The following GPC6 variants were observed in gnomAD, a reference collection of about 807,000 sequenced individuals.
The protein encoded by GPC6 is glypican-6.
In GPC6, 14 loss-of-function variants were observed where a neutral mutation model predicts 55.2. The ratio of observed to expected loss-of-function variants is 0.25; its 90% CI spans 0.17 to 0.40. The LOEUF is 0.40. Ranked by LOEUF, GPC6 falls within the 10% of genes least tolerant of loss-of-function variation. GPC6 has a pLI of 1.00. For synonymous variants in GPC6, 278 were observed against 259.6 expected (o/e 1.07, Z -0.68); for missense variants, 641 against 708.5 (o/e 0.90, Z 1.08).
intron 4 of GPC6, among the ~76,000 whole-genome samples, chr13:94,077,189 G>A (rs1884946409): frequency 6.6e-6 from 1 of 151,346 alleles, no homozygotes; most frequent in Non-Finnish European, 1.5e-5. Flanking sequence ...AGTGTACAAG[G>A]TTTTCACCTC....
chr13:93,422,589 A>G (rs1034265973), intron 1 of GPC6, among the ~76,000 whole-genome samples: 1 of 152,176 alleles, frequency 6.6e-6, no homozygotes, highest in African/African-American at 2.4e-5. Context: ...TTCTTTGCGT[A>G]TATTATTTGA....
At chr13:93,833,729 C>T (rs1887620933) in intron 3 of GPC6, among the ~76,000 whole-genome samples, 1 of 152,102 alleles carries the variant, frequency 6.6e-6, no homozygotes, top group African/African-American at 2.4e-5. Flanking sequence ...ATGTTCAGAA[C>T]ATTATTGGGA....
chr13:93,509,189 A>G (rs16948883), intron 1 of GPC6, among the ~76,000 whole-genome samples: 2,041 of 152,286 alleles, frequency 0.013, 42 homozygotes, highest in African/African-American at 0.041. Flanking sequence ...ACATCATGCT[A>G]CCAAGTTCAT....
intron 3 of GPC6, among the ~76,000 whole-genome samples, chr13:94,025,252 G>A (rs1410927709): frequency 6.6e-6 from 1 of 152,140 alleles, no homozygotes; most frequent in East Asian, 1.9e-4. Context: ...GAGAGAAATT[G>A]CAAGGCTGTA....
intron 2 of GPC6, among the ~76,000 whole-genome samples, chr13:93,828,401 C>A (rs975394468): frequency 6.6e-6 from 1 of 151,966 alleles, no homozygotes; most frequent in Non-Finnish European, 1.5e-5. Context: ...CATTTTAGGA[C>A]AAACTAGATA....
chr13:93,676,600 C>T (rs749540575), intron 2 of GPC6, among the ~76,000 whole-genome samples: 1 of 151,930 alleles, frequency 6.6e-6, no homozygotes, highest in Non-Finnish European at 1.5e-5. Context: ...CAGCCACAGC[C>T]AGTAGATGAT....
intron 1 of GPC6, among the ~76,000 whole-genome samples, chr13:93,433,888 C>T (rs1262412478): frequency 6.6e-6 from 1 of 152,158 alleles, no homozygotes; most frequent in Non-Finnish European, 1.5e-5. Context: ...TGCTGAGAAA[C>T]ATGCCACTCC....
At chr13:93,301,030 A>G (rs1307751278) in intron 1 of GPC6, among the ~76,000 whole-genome samples, 1 of 152,152 alleles carries the variant, frequency 6.6e-6, no homozygotes, top group Non-Finnish European at 1.5e-5. Flanking sequence ...AAAAAAAAAA[A>G]AGAAAACCTT....
chr13:93,385,655 A>T lies in GPC6; in HGVS notation c.160+158039A>T, dbSNP rs554631978. On this transcript the variant is annotated intron_variant, in intron 1 of 8. Coordinates refer to ENST00000377047, the MANE Select transcript of GPC6 (RefSeq NM_005708.5). ...TTGGAGAACACGCCTTTCAGTTTATATTCCCTACTGTGCTTCCTCCCTTTC... is the reference window on the plus strand; with the variant it reads ...TTGGAGAACACGCCTTTCAGTTTATTTTCCCTACTGTGCTTCCTCCCTTTC... Among the ~76,000 whole-genome samples, 7 of 152,294 alleles carry T rather than the reference A, an allele frequency of 4.6e-5. No homozygotes were observed. In the East Asian group the frequency reaches 1.4e-3, roughly 29 times the overall value.
chr13:93,265,294 AT>A (rs1485908238), intron 1 of GPC6, among the ~76,000 whole-genome samples: 1 of 152,224 alleles, frequency 6.6e-6, no homozygotes, highest in Non-Finnish European at 1.5e-5. Flanking sequence ...TATTTAATAT[AT>A]ATCAACATAT....
chr13:93,859,222 A>G (rs1888728282), intron 3 of GPC6, among the ~76,000 whole-genome samples: 1 of 151,608 alleles, frequency 6.6e-6, no homozygotes, highest in African/African-American at 2.4e-5. Flanking sequence ...AAATGCACAA[A>G]CATGTACTTA....
chr13:93,603,986 A>G (rs1371652878), intron 2 of GPC6, among the ~76,000 whole-genome samples: 1 of 152,236 alleles, frequency 6.6e-6, no homozygotes, highest in Admixed American at 6.5e-5. Context: ...AATACAGACA[A>G]AATTCTTGAT....
intron 3 of GPC6, among the ~76,000 whole-genome samples, chr13:93,874,861 T>C (rs1889241548): frequency 6.6e-6 from 1 of 151,918 alleles, no homozygotes; most frequent in African/African-American, 2.4e-5. Context: ...TACCATTTTA[T>C]TTTCTCCTTA....
chr13:93,276,479 AGAGAGAGAGAGAGAGAGT>A (rs1199041421), intron 1 of GPC6, among the ~76,000 whole-genome samples: 3 of 135,136 alleles, frequency 2.2e-5, no homozygotes, highest in African/African-American at 9.3e-5. Context: ...AGAGAGAGAG[AGAGAGAGAGAGAGAGAGT>A]GTGTGTGTGT....
chr13:93,586,236 G>A (rs1309993906), intron 2 of GPC6, among the ~76,000 whole-genome samples: 1 of 152,088 alleles, frequency 6.6e-6, no homozygotes, highest in Non-Finnish European at 1.5e-5. Context: ...CCCTGTGTTA[G>A]TTTGCTAAAG....
intron 2 of GPC6, among the ~76,000 whole-genome samples, chr13:93,816,609 G>C (rs1886859637): frequency 6.8e-6 from 1 of 148,062 alleles, no homozygotes; most frequent in South Asian, 2.1e-4. Flanking sequence ...GGTCTTTTAA[G>C]TTAAAATAAT....
chr13:93,490,514 G>GTTTTTTTTTTTTTTTTTTTT (rs796098096), intron 1 of GPC6, among the ~76,000 whole-genome samples: 1 of 35,320 alleles, frequency 2.8e-5, no homozygotes, highest in Non-Finnish European at 4.9e-5. Context: ...TTTTTTTTGA[G>GTTTTTTTTTTTTTTTTTTTT]TTTTTTTTTT....
At chr13:93,917,301 G>C (rs904795356) in intron 3 of GPC6, among the ~76,000 whole-genome samples, 1 of 151,816 alleles carries the variant, frequency 6.6e-6, no homozygotes, top group Non-Finnish European at 1.5e-5. Context: ...GTCAGAAATT[G>C]AAAAGAAAAA....
Position 93,910,971 on chromosome 13 carries a change from G to A in GPC6, c.711+80426G>A, listed in dbSNP as rs1029707387. Among the ~76,000 whole-genome samples the A allele has an allele frequency of 3.3e-5, 5 of 152,222 alleles. No homozygotes were observed. The East Asian group carries it at 5.8e-4, about 18-fold the overall frequency. On this transcript the variant is annotated intron_variant, in intron 3 of 8. Transcript: ENST00000377047. The stretch of plus-strand genomic sequence containing the variant: ...CAATTCAGCACTGTGCTGTATCCTC[G>A]AATACTGCATGTACTCAGACCTGGC...
Sources: gnomAD v4.1 joint callset for allele counts (sites outside exome capture counted in the v4.1 genomes callset) on GRCh38, gnomAD v4.1.1 for gene constraint, MANE v1.5 for transcripts, NCBI Gene and HGNC (gene_info 2026-07-23, HGNC 2026-07-21) for gene names.